USP7: variants seen among roughly 807,000 people sequenced by gnomAD.
USP7 encodes the protein ubiquitin specific peptidase 7.
USP7 carries 9 observed loss-of-function variants against 162.9 expected under a neutral mutation model. The ratio of observed to expected loss-of-function variants is 0.06; its 90% confidence interval spans 0.03 to 0.10. The LOEUF is 0.10. USP7 is among the 10% of genes least tolerant of loss of function. The probability of loss-of-function intolerance (pLI) is 1.00; values close to 1 mark genes in which losing one functional copy is unlikely to be tolerated. For missense variants in USP7, 715 were observed against 1,373.7 expected (o/e 0.52, Z 7.58); for synonymous variants, 562 against 475.9 (o/e 1.18, Z -2.35).
chr16:8,963,175 C>A, intron 1 of USP7, 32 bp downstream of exon 1: 2 of 1,393,306 alleles, frequency 1.4e-6, no homozygotes, highest in Non-Finnish European at 1.9e-6. Context: ...AGGCGCCCCC[C>A]GGCCCCGCCG....
chr16:8,960,158 C>T (rs1048569118), intron 1 of USP7, among the ~76,000 whole-genome samples: 1 of 152,188 alleles, frequency 6.6e-6, no homozygotes, highest in African/African-American at 2.4e-5. Context: ...CACTGCCAAG[C>T]AACCTTATTC....
chr16:8,905,177 C>A lies in USP7; in HGVS notation c.1573+10G>T, dbSNP rs752049957. On this transcript the variant is annotated intron_variant, in intron 14 of 30. Transcript: ENST00000344836. ...CAGTAAAGAACAGAACAAAAGTGAA[C>A]ACTACTCACTCAGTTTTGATTCCCT... 2.5e-6 allele frequency: 4 copies of A among 1,612,832 alleles called. No individual in the cohort carries two copies. In the South Asian group the frequency reaches 4.4e-5, roughly 18 times the overall value.
At chr16:8,894,422 G>A in intron 30 of USP7, 128 bp downstream of exon 30, 1 of 841,248 alleles carries the variant, frequency 1.2e-6, no homozygotes, top group Non-Finnish European at 1.8e-6. Context: ...ATTGCTCCTG[G>A]TTCCACAGGT....
intron 13 of USP7, among the ~76,000 whole-genome samples, chr16:8,905,820 T>C (rs2061850614): frequency 2.6e-5 from 4 of 152,238 alleles, no homozygotes; most frequent in Admixed American, 2.0e-4. Flanking sequence ...CTAACAGTTA[T>C]CTTCCCATCT....
chr16:8,942,377 T>C (rs936983993), intron 1 of USP7, among the ~76,000 whole-genome samples: 59 of 152,146 alleles, frequency 3.9e-4, no homozygotes, highest in African/African-American at 1.3e-3. Context: ...GTCCCACCCT[T>C]ATCACATGCT....
chr16:8,952,900 AATC>A (rs1291505112), intron 1 of USP7, among the ~76,000 whole-genome samples: 1 of 151,392 alleles, frequency 6.6e-6, no homozygotes, highest in Non-Finnish European at 1.5e-5. Context: ...GCACTGGCGC[AATC>A]TCGGCTCACT....
chr16:8,911,029 T>G (rs1468998326), intron 10 of USP7, among the ~76,000 whole-genome samples: 1 of 152,232 alleles, frequency 6.6e-6, no homozygotes, highest in Non-Finnish European at 1.5e-5. Flanking sequence ...CATTGGTATC[T>G]TTCTTAAGGA....
chr16:8,951,367 C>A (rs943730831), intron 1 of USP7, among the ~76,000 whole-genome samples: 6 of 152,360 alleles, frequency 3.9e-5, no homozygotes, highest in African/African-American at 1.4e-4. Context: ...CTTGTGAAAG[C>A]TGTCATCTTA....
chr16:8,936,515 G>C (rs1228619549), intron 1 of USP7: 4 of 1,425,066 alleles, frequency 2.8e-6, no homozygotes, highest in Non-Finnish European at 3.7e-6. Context: ...GTTTGGCTGA[G>C]ACATGTCAGT....
Position 8,892,293 on chromosome 16 carries a change from G to C in USP7, c.*1705C>G, listed in dbSNP as rs147057022. ...GGAAGGAGGGAAGGGCCAGGTCCGC[G>C]GGGACCCTCACTCCCTGCTTTCTAT... On this transcript the variant is annotated 3_prime_UTR_variant, in exon 31 of 31. Transcript: ENST00000344836. The C allele has an allele frequency of 2.6e-5, 4 of 152,322 alleles. No homozygotes were observed. The highest frequency in any genetic ancestry group is 4.8e-5 in the African/African-American group (2 of 41,444). 9.4% of individuals were successfully genotyped at this position (152,322 alleles called of 1,614,324 possible). A position where few individuals can be genotyped will look rare whatever the true frequency, so the allele number is the denominator to read the frequency against.
At position 8,894,531 on chromosome 16, in the gene USP7, G is replaced by GC. The variant is rs534626904; in HGVS notation, c.3202+18_3202+19insG. ...AGTCTGAAACCCACACCAGCCCCCG[G>GC]GGGGGGGAGAACCCTTACCGGGCTG... On this transcript the variant is annotated intron_variant, in intron 30 of 30. Transcript: ENST00000344836. The GC allele has an allele frequency of 2.3e-4, 339 of 1,465,380 alleles. 1 individual carries two copies. The highest frequency in any genetic ancestry group is 5.2e-4 in the Admixed American group (23 of 44,228). 90.8% of individuals were successfully genotyped at this position (1,465,380 alleles called of 1,614,324 possible).
Position 8,908,460 on chromosome 16 carries a change from G to A in USP7, c.1162-10C>T. On this transcript the variant is annotated splice_polypyrimidine_tract_variant and intron_variant, in intron 11 of 30. Coordinates refer to ENST00000344836, the MANE Select transcript of USP7 (RefSeq NM_003470.3). ...CACCTTTCTCTGCTTCCTAAACATT[G>A]AAAAACAAATGCAAATGTAGTTAGC... The A allele has an allele frequency of 1.9e-6, 3 of 1,601,616 alleles. No homozygotes were observed. Among genetic ancestry groups the A allele is most frequent in the Non-Finnish European group, 2.6e-6 (3 of 1,174,046 alleles).
intron 23 of USP7, 150 bp downstream of exon 23, chr16:8,898,971 G>T (rs2289109): frequency 0.5 from 409,290 of 819,088 alleles, 104,439 homozygotes; most frequent in East Asian, 0.59. Context: ...ATGTGGTCAA[G>T]ATGTGAGTGG....
At chr16:8,962,429 A>G (rs1355876085) in intron 1 of USP7, 2 of 435,828 alleles carry the variant, frequency 4.6e-6, no homozygotes, top group Non-Finnish European at 9.3e-6. Flanking sequence ...ACCTCAAACT[A>G]CAGTGCCTTG....
At chr16:8,932,701 A>G (rs564999264) in intron 1 of USP7, among the ~76,000 whole-genome samples, 76 of 152,364 alleles carry the variant, frequency 5.0e-4, no homozygotes, top group African/African-American at 1.6e-3. Context: ...AAATCTTTAA[A>G]AAGTTTTATG....
intron 2 of USP7, among the ~76,000 whole-genome samples, chr16:8,929,043 C>G (rs191039262): frequency 7.3e-5 from 10 of 136,958 alleles, no homozygotes; most frequent in Admixed American, 2.0e-4. Context: ...AGACCTCCCC[C>G]CTAAAAAAAA....
chr16:8,895,837 ATG>A (rs1215445223), intron 26 of USP7, 96 bp from the exon 27 acceptor site: 36 of 734,792 alleles, frequency 4.9e-5, no homozygotes, highest in African/African-American at 3.6e-4. Context: ...TTACCACGAT[ATG>A]TTTTTTTTTT....
chr16:8,903,183 A>AAGGCAATCAG (rs1342686204), intron 16 of USP7, 85 bp downstream of exon 16: 21 of 1,534,558 alleles, frequency 1.4e-5, no homozygotes, highest in Non-Finnish European at 1.6e-5. Flanking sequence ...CCTACCCCCA[A>AAGGCAATCAG]AGGCAATCAG....
chr16:8,915,376 T>G, intron 9 of USP7, 32 bp from the exon 10 acceptor site: 2 of 1,613,078 alleles, frequency 1.2e-6, no homozygotes, highest in Non-Finnish European at 1.7e-6. Flanking sequence ...GTGGTTTAAC[T>G]AGTAATAGTC....
Sources: allele counts gnomAD v4.1 joint callset (sites outside exome capture counted in the v4.1 genomes callset), GRCh38; gene constraint gnomAD v4.1.1; transcripts MANE v1.5; gene names NCBI Gene and HGNC (gene_info 2026-07-23, HGNC 2026-07-21).